The following OR1J2 variants were observed in gnomAD, a reference collection of about 807,000 sequenced individuals.
OR1J2 encodes olfactory receptor family 1 subfamily J member 2.
For missense variants in OR1J2, 304 were observed against 246.1 expected (o/e 1.24, Z -1.57); for synonymous variants, 142 against 99.7 (o/e 1.42, Z -2.52).
At chr9:122,453,081 T>G in the OR1J2 span, among the ~76,000 whole-genome samples, 1 of 150,334 alleles carries the variant, frequency 6.7e-6, no homozygotes, top group African/African-American at 2.4e-5. Flanking sequence ...TATCCCCGCC[T>G]TGCTCCTGCC....
the OR1J2 span, among the ~76,000 whole-genome samples, chr9:122,472,366 C>T: frequency 2.8e-3 from 431 of 152,328 alleles, no homozygotes; most frequent in African/African-American, 9.9e-3. Flanking sequence ...GCCAATCTTA[C>T]AGCACTTTAA....
chr9:122,532,868 A>G, the OR1J2 span, among the ~76,000 whole-genome samples: 30 of 151,924 alleles, frequency 2.0e-4, no homozygotes, highest in Non-Finnish European at 4.0e-4. Context: ...TTTGTAAGGG[A>G]TTGAGGTTTG....
At chr9:122,492,938 A>G in the OR1J2 span, among the ~76,000 whole-genome samples, 6 of 152,140 alleles carry the variant, frequency 3.9e-5, no homozygotes, top group Non-Finnish European at 8.8e-5. Context: ...GATTTTGTCA[A>G]ATGCTTTTCC....
At chr9:122,560,525 G>T in the OR1J2 span, among the ~76,000 whole-genome samples, 1 of 152,116 alleles carries the variant, frequency 6.6e-6, no homozygotes. Flanking sequence ...AGGCCTGGTG[G>T]TGACAAAATC....
chr9:122,479,135 C>T, the OR1J2 span, among the ~76,000 whole-genome samples: 1 of 152,174 alleles, frequency 6.6e-6, no homozygotes, highest in African/African-American at 2.4e-5. Context: ...CCAGGCTCAA[C>T]CACACATGTG....
chr9:122,545,113 G>T, the OR1J2 span, among the ~76,000 whole-genome samples: 4 of 151,654 alleles, frequency 2.6e-5, no homozygotes, highest in African/African-American at 9.7e-5. Context: ...TATTTGTATT[G>T]CTTAATTTTC....
downstream of OR1J2, among the ~76,000 whole-genome samples, chr9:122,512,878 G>A (rs1373650028): frequency 6.6e-6 from 1 of 152,100 alleles, no homozygotes; most frequent in Non-Finnish European, 1.5e-5. Flanking sequence ...AAAGATTGGG[G>A]CAGGTTCACG....
the OR1J2 span, among the ~76,000 whole-genome samples, chr9:122,517,345 T>C: frequency 6.6e-6 from 1 of 152,220 alleles, no homozygotes; most frequent in African/African-American, 2.4e-5. Context: ...CCAGGCATTC[T>C]TGCCCCTTTT....
chr9:122,549,485 A>G, the OR1J2 span, among the ~76,000 whole-genome samples: 2 of 152,204 alleles, frequency 1.3e-5, no homozygotes, highest in Admixed American at 6.5e-5. Flanking sequence ...TAGGATTTGT[A>G]TAGTTTCAGG....
chr9:122,535,206 A>G, the OR1J2 span, among the ~76,000 whole-genome samples: 1 of 151,988 alleles, frequency 6.6e-6, no homozygotes, highest in Non-Finnish European at 1.5e-5. Flanking sequence ...GGGTGCAGAA[A>G]TAAGAGGTCG....
At chr9:122,502,510 C>T in the OR1J2 span, among the ~76,000 whole-genome samples, 1 of 152,134 alleles carries the variant, frequency 6.6e-6, no homozygotes, top group South Asian at 2.1e-4. Flanking sequence ...GATGCTGAGG[C>T]CTTGGAAGAT....
the OR1J2 span, among the ~76,000 whole-genome samples, chr9:122,559,656 G>A: frequency 6.6e-6 from 1 of 151,574 alleles, no homozygotes; most frequent in African/African-American, 2.4e-5. Context: ...TTAATCTTGA[G>A]TTCTAATTTG....
At chr9:122,457,332 C>G in the OR1J2 span, among the ~76,000 whole-genome samples, 1 of 151,890 alleles carries the variant, frequency 6.6e-6, no homozygotes, top group African/African-American at 2.4e-5. Context: ...CACACGTTTG[C>G]CTATGTAACA....
upstream of OR1J2, chr9:122,510,773 T>G: frequency 8.1e-7 from 1 of 1,241,592 alleles, no homozygotes. Context: ...TCTCAAGCAT[T>G]CTTCATCTCC....
chr9:122,579,424 G>T, the OR1J2 span, among the ~76,000 whole-genome samples: 6 of 151,982 alleles, frequency 3.9e-5, no homozygotes, highest in Non-Finnish European at 8.8e-5. Context: ...AGATAAAGTC[G>T]CTCTTTCTCT....
chr9:122,549,333 A>G, the OR1J2 span, among the ~76,000 whole-genome samples: 295 of 152,302 alleles, frequency 1.9e-3, 5 homozygotes, highest in East Asian at 0.046. Flanking sequence ...AGATGCTGGC[A>G]CTATCCTTTG....
At chr9:122,477,596 C>CT in the OR1J2 span, 1 of 1,614,170 alleles carries the variant, frequency 6.2e-7, no homozygotes, top group Non-Finnish European at 8.5e-7. Context: ...AGGAAACTGT[C>CT]TAAGTCAGCA....
the OR1J2 span, among the ~76,000 whole-genome samples, chr9:122,570,079 T>C: frequency 6.7e-6 from 1 of 149,528 alleles, no homozygotes; most frequent in East Asian, 1.9e-4. Flanking sequence ...CAGTCTATCA[T>C]TGTTGGACAT....
the OR1J2 span, among the ~76,000 whole-genome samples, chr9:122,484,586 G>A: frequency 6.6e-6 from 1 of 152,034 alleles, no homozygotes; most frequent in Admixed American, 6.6e-5. Context: ...AATCTAAAGA[G>A]GTTCTTAACA....
Sources: allele counts gnomAD v4.1 joint callset (sites outside exome capture counted in the v4.1 genomes callset), GRCh38; gene constraint gnomAD v4.1.1; transcripts MANE v1.5; gene names NCBI Gene and HGNC (gene_info 2026-07-23, HGNC 2026-07-21).